Variants in XXYLT1 observed in about 807,000 individuals in gnomAD.
The protein encoded by XXYLT1 is xyloside xylosyltransferase 1.
In XXYLT1, 20 loss-of-function variants were observed where a neutral mutation model predicts 28.9. The observed-to-expected ratio is 0.69, with a 90% CI of 0.49 to 1.00. The LOEUF (loss-of-function observed/expected upper bound fraction) is 1.00. Among genes scored for constraint, XXYLT1 ranks in the 50% least tolerant of loss-of-function variants. XXYLT1 has a pLI of 0.00. For missense variants in XXYLT1, 542 were observed against 560.1 expected (o/e 0.97, Z 0.33); for synonymous variants, 257 against 253.8 (o/e 1.01, Z -0.12).
chr3:195,270,029 G>C (rs1370931766), intron 1 of XXYLT1: 1 of 193,352 alleles, frequency 5.2e-6, no homozygotes, highest in Non-Finnish European at 1.1e-5. Context: ...AGGGGAAAAA[G>C]GGACACAGAG....
rs374374336 is a variant in XXYLT1, at chr3:195,069,698, C to A, written c.*17G>T. On this transcript the variant is annotated 3_prime_UTR_variant, in exon 4 of 4. Transcript: ENST00000310380. ...CCCCCAGATCTGGAGGCCCCGGGGG[C>A]AAGGCACGGGGAGCGCCTAGTCCTC... 5.6e-5 allele frequency: 90 copies of A among 1,598,536 alleles called. 1 individual carries two copies. The African/African-American group carries it at 1.0e-3, about 18-fold the overall frequency.
At chr3:195,143,862 A>T (rs1230231187) in intron 3 of XXYLT1, among the ~76,000 whole-genome samples, 3 of 89,688 alleles carry the variant, frequency 3.3e-5, no homozygotes, top group East Asian at 8.4e-4. Context: ...ATAGATATAT[A>T]TAGATATAGA....
chr3:195,259,642 A>T (rs1725609090), intron 1 of XXYLT1: 1 of 985,322 alleles, frequency 1.0e-6, no homozygotes, highest in Admixed American at 6.1e-5. Flanking sequence ...GTAAGGTGGC[A>T]TCCGAGTCCC....
chr3:195,173,035 C>A lies in XXYLT1; in HGVS notation c.653-16454G>T, dbSNP rs962044812. On this transcript the variant is annotated intron_variant, in intron 2 of 3. Coordinates refer to ENST00000310380, the MANE Select transcript of XXYLT1 (RefSeq NM_152531.5). The surrounding 1 kb of genome is among the most constrained non-coding windows in gnomAD (Gnocchi z 4.3). Reference sequence around the variant, plus strand: ...AGAGAGGAGTGGTTTGGCAGCCCCCCGGGGCTGATCGACACCCCTACTTTC... The same window carrying A: ...AGAGAGGAGTGGTTTGGCAGCCCCCAGGGGCTGATCGACACCCCTACTTTC... 6.6e-6 allele frequency among the ~76,000 whole-genome samples: 1 copy of A among 152,116 alleles called. No homozygotes were observed. Among genetic ancestry groups the A allele is most frequent in the Non-Finnish European group, 1.5e-5 (1 of 68,004 alleles).
chr3:195,073,320 G>A lies in XXYLT1; in HGVS notation c.786-3209C>T, dbSNP rs1576993709. On this transcript the variant is annotated intron_variant, in intron 3 of 3. Transcript: ENST00000310380. Reference sequence around the variant, plus strand: ...AGGCCTCTACGAGGCAGGGCAGTGAGTGTCCCAGACCCCTGCCCTTCTTCA... The same window carrying A: ...AGGCCTCTACGAGGCAGGGCAGTGAATGTCCCAGACCCCTGCCCTTCTTCA... Among the ~76,000 whole-genome samples, 3 of 152,342 alleles carry A rather than the reference G, an allele frequency of 2.0e-5. No homozygotes were observed. In the South Asian group the frequency reaches 6.2e-4, roughly 32 times the overall value.
At position 195,176,062 on chromosome 3, in the gene XXYLT1, AT is replaced by A. The variant is rs77496081; in HGVS notation, c.653-19482del. On this transcript the variant is annotated intron_variant, in intron 2 of 3. Transcript: ENST00000310380. This position sits in a 1 kb window ranked among gnomAD's most constrained non-coding sequence, Gnocchi z 4.9. Reference sequence around the variant, plus strand: ...CCACACACCTAAAAGATATGACAGAATTTTTTTTTTTTGAGACAGGGTCTCA... The same window carrying A: ...CCACACACCTAAAAGATATGACAGAATTTTTTTTTTTGAGACAGGGTCTCA... Among the ~76,000 whole-genome samples the A allele has an allele frequency of 5.6e-4, 83 of 147,792 alleles. No individual in the cohort carries two copies. Among genetic ancestry groups the A allele is most frequent in the Admixed American group, 1.8e-3 (27 of 14,860 alleles).
At chr3:195,084,197 GGCAGAAAA>G (rs1202725191) in intron 3 of XXYLT1, among the ~76,000 whole-genome samples, 17 of 152,174 alleles carry the variant, frequency 1.1e-4, no homozygotes, top group African/African-American at 1.9e-4. Flanking sequence ...CGGCTGGTAA[GGCAGAAAA>G]GCAGAAAAGC....
chr3:195,097,234 TAAG>T (rs776597637), intron 3 of XXYLT1, among the ~76,000 whole-genome samples: 3 of 152,220 alleles, frequency 2.0e-5, no homozygotes, highest in Non-Finnish European at 2.9e-5. Context: ...GGTTTTGACA[TAAG>T]AATACATACA....
intron 3 of XXYLT1, among the ~76,000 whole-genome samples, chr3:195,113,230 T>G (rs1441749936): frequency 6.6e-6 from 1 of 152,194 alleles, no homozygotes; most frequent in Admixed American, 6.5e-5. Flanking sequence ...TCCCACTGAT[T>G]TCGCCGCAAC....
chr3:195,107,760 C>T (rs532779188), intron 3 of XXYLT1, among the ~76,000 whole-genome samples: 2 of 151,816 alleles, frequency 1.3e-5, no homozygotes, highest in African/African-American at 2.4e-5. Context: ...GCGCTTCTGG[C>T]GGGGATCCAG....
At position 195,256,276 on chromosome 3, in the gene XXYLT1, G is replaced by A. The variant is rs1050441216; in HGVS notation, c.504+14279C>T. On this transcript the variant is annotated intron_variant, in intron 1 of 3. Transcript: ENST00000310380. The surrounding 1 kb of genome is among the most constrained non-coding windows in gnomAD (Gnocchi z 4.2). ...GCCTGGCTGCTCCAAGGTTAAATGA[G>A]GGAGGAAAAGCAGGATCCAGCATGG... is the stretch of plus-strand genomic sequence containing the variant. Among the ~76,000 whole-genome samples, 4 of 152,206 alleles carry A rather than the reference G, an allele frequency of 2.6e-5. No individual in the cohort carries two copies. Among genetic ancestry groups the A allele is most frequent in the Admixed American group, 2.0e-4 (3 of 15,286 alleles).
At chr3:195,126,561 G>A (rs187017306) in intron 3 of XXYLT1, among the ~76,000 whole-genome samples, 7 of 152,296 alleles carry the variant, frequency 4.6e-5, no homozygotes, top group South Asian at 2.1e-4. Context: ...TCAATTCTGC[G>A]ACAGTCTCGG....
chr3:195,114,306 C>T (rs1717931873), intron 3 of XXYLT1, among the ~76,000 whole-genome samples: 1 of 152,192 alleles, frequency 6.6e-6, no homozygotes, highest in African/African-American at 2.4e-5. Flanking sequence ...TACAGCCACA[C>T]CATTGCACCC....
intron 2 of XXYLT1, among the ~76,000 whole-genome samples, chr3:195,217,771 T>A (rs1723637187): frequency 6.6e-6 from 1 of 151,334 alleles, no homozygotes; most frequent in African/African-American, 2.4e-5. Flanking sequence ...GCCATCCCCA[T>A]CAAGCTACCA....
chr3:195,127,003 C>T (rs1243237397), intron 3 of XXYLT1, among the ~76,000 whole-genome samples: 1 of 152,178 alleles, frequency 6.6e-6, no homozygotes, highest in Non-Finnish European at 1.5e-5. Flanking sequence ...GTGCAGCAAC[C>T]TCCATTTTAC....
At chr3:195,125,545 A>C (rs1478660090) in intron 3 of XXYLT1, among the ~76,000 whole-genome samples, 1 of 152,238 alleles carries the variant, frequency 6.6e-6, no homozygotes, top group Non-Finnish European at 1.5e-5. Flanking sequence ...GAAGGGCAGC[A>C]AAGGGCTGTG....
chr3:195,096,971 G>A (rs1258691949), intron 3 of XXYLT1, among the ~76,000 whole-genome samples: 1 of 152,242 alleles, frequency 6.6e-6, no homozygotes, highest in Non-Finnish European at 1.5e-5. Context: ...CAACAGGGGT[G>A]AAAATGGTCA....
intron 1 of XXYLT1, among the ~76,000 whole-genome samples, chr3:195,231,367 A>G (rs1243493814): frequency 6.6e-6 from 1 of 151,968 alleles, no homozygotes; most frequent in East Asian, 1.9e-4. Flanking sequence ...TCCCATTTGG[A>G]TAGGCTTTAT....
chr3:195,267,821 A>G (rs1220823312), intron 1 of XXYLT1, among the ~76,000 whole-genome samples: 2 of 152,200 alleles, frequency 1.3e-5, no homozygotes, highest in African/African-American at 2.4e-5. Flanking sequence ...AGGCAGGGAG[A>G]ACTCCAGACA....
Sources: allele counts gnomAD v4.1 joint callset (sites outside exome capture counted in the v4.1 genomes callset), GRCh38; gene constraint gnomAD v4.1.1; non-coding constraint Gnocchi (gnomAD v3.1); transcripts MANE v1.5; gene names NCBI Gene and HGNC (gene_info 2026-07-23, HGNC 2026-07-21).